EVA1A: variants seen among roughly 807,000 people sequenced by gnomAD.
EVA1A encodes eva-1 homolog A, regulator of programmed cell death, also known as protein eva-1 homolog A.
EVA1A carries 7 observed loss-of-function variants against 9.8 expected under a neutral mutation model. The ratio of observed to expected loss-of-function variants is 0.71; its 90% CI spans 0.41 to 1.34. The LOEUF (loss-of-function observed/expected upper bound fraction) is 1.34, where lower values mean the gene tolerates loss of function less well. Among genes scored for constraint, EVA1A ranks in the 40% most tolerant of loss-of-function variants. The pLI is 0.01. For synonymous variants in EVA1A, 90 were observed against 85.6 expected (o/e 1.05, Z -0.28); for missense variants, 206 against 205.9 (o/e 1.00, Z 0.00).
chr2:75,540,518 AG>A (rs2103934586), intron 1 of EVA1A, among the ~76,000 whole-genome samples: 2 of 152,348 alleles, frequency 1.3e-5, no homozygotes, highest in East Asian at 3.9e-4. Context: ...CCAGAGGAAT[AG>A]TTTTCCTGAA....
chr2:75,520,187 C>T (rs757815030), intron 2 of EVA1A, among the ~76,000 whole-genome samples: 2 of 152,112 alleles, frequency 1.3e-5, no homozygotes, highest in Non-Finnish European at 2.9e-5. Context: ...AGAGCAAGCT[C>T]TTTCACCTCT....
At chr2:75,520,780 G>T (rs1191153664) in intron 2 of EVA1A, among the ~76,000 whole-genome samples, 1 of 151,150 alleles carries the variant, frequency 6.6e-6, no homozygotes, top group Non-Finnish European at 1.5e-5. Flanking sequence ...CATGACATTG[G>T]ATTTGACAAT....
At chr2:75,497,492 C>T (rs1425733459) in intron 3 of EVA1A, among the ~76,000 whole-genome samples, 3 of 151,968 alleles carry the variant, frequency 2.0e-5, no homozygotes, top group Non-Finnish European at 4.4e-5. Flanking sequence ...GATACCATCT[C>T]GCGCCAGTCA....
intron 1 of EVA1A, among the ~76,000 whole-genome samples, chr2:75,532,326 T>C (rs114383532): frequency 6.6e-6 from 1 of 152,118 alleles, no homozygotes; most frequent in African/African-American, 2.4e-5. Flanking sequence ...GAAATACTTG[T>C]AACACAGCCA....
chr2:75,561,038 A>C (rs1280086799), upstream of EVA1A: 2 of 137,794 alleles, frequency 1.5e-5, no homozygotes, highest in African/African-American at 5.4e-5. Flanking sequence ...TCTGCAAGCC[A>C]GCGGCCCATG....
chr2:75,532,816 T>G (rs7565861), intron 1 of EVA1A, among the ~76,000 whole-genome samples: 8 of 152,024 alleles, frequency 5.3e-5, no homozygotes, highest in African/African-American at 1.9e-4. Flanking sequence ...GAAATCCATG[T>G]GAAGACACAC....
At chr2:75,513,293 G>A (rs1674882013) in intron 3 of EVA1A, among the ~76,000 whole-genome samples, 1 of 152,086 alleles carries the variant, frequency 6.6e-6, no homozygotes. Context: ...AAAATCTACT[G>A]TCTTAGCAAA....
At chr2:75,548,306 T>C (rs1676399898) in intron 1 of EVA1A, among the ~76,000 whole-genome samples, 1 of 152,168 alleles carries the variant, frequency 6.6e-6, no homozygotes, top group Admixed American at 6.5e-5. Flanking sequence ...CTAATATTTT[T>C]GTATTTTTGG....
chr2:75,560,119 A>T (rs1294743908), intron 1 of EVA1A, among the ~76,000 whole-genome samples: 1 of 151,998 alleles, frequency 6.6e-6, no homozygotes, highest in Non-Finnish European at 1.5e-5. Flanking sequence ...CCTCTCCAAA[A>T]GCAAAGCGTC....
chr2:75,496,922 T>C (rs1283140014), intron 3 of EVA1A, among the ~76,000 whole-genome samples: 2 of 152,110 alleles, frequency 1.3e-5, no homozygotes, highest in African/African-American at 4.8e-5. Context: ...AAGTCAACAA[T>C]AACAGCAAAG....
At chr2:75,560,131 C>T (rs887166857) in intron 1 of EVA1A, among the ~76,000 whole-genome samples, 5 of 152,148 alleles carry the variant, frequency 3.3e-5, no homozygotes, top group Admixed American at 3.3e-4. Context: ...CAAAGCGTCC[C>T]ACTGGGACTT....
chr2:75,565,625 A>G (rs780409301), upstream of EVA1A, among the ~76,000 whole-genome samples: 1 of 152,212 alleles, frequency 6.6e-6, no homozygotes, highest in Non-Finnish European at 1.5e-5. Flanking sequence ...TTCTTCCACT[A>G]TGGCACTGCT....
chr2:75,541,737 G>A (rs1676130658), intron 1 of EVA1A: 1 of 152,606 alleles, frequency 6.6e-6, no homozygotes, highest in Non-Finnish European at 1.5e-5. Flanking sequence ...TTTCTCTACA[G>A]TGTTCATAGT....
intron 1 of EVA1A, among the ~76,000 whole-genome samples, chr2:75,541,249 G>T (rs897224330): frequency 8.5e-5 from 13 of 152,206 alleles, no homozygotes; most frequent in African/African-American, 2.7e-4. Flanking sequence ...AGAAAACTCA[G>T]AAGTTATCTT....
At chr2:75,519,037 T>G (rs1422455845) in intron 2 of EVA1A, among the ~76,000 whole-genome samples, 1 of 152,120 alleles carries the variant, frequency 6.6e-6, no homozygotes, top group Non-Finnish European at 1.5e-5. Context: ...CCACCAGGGA[T>G]CAGAACAGGG....
At chr2:75,535,899 C>G (rs1046938714) in intron 1 of EVA1A, among the ~76,000 whole-genome samples, 2 of 151,952 alleles carry the variant, frequency 1.3e-5, no homozygotes, top group Middle Eastern at 3.2e-3. Context: ...TCCATGTAAC[C>G]AAAAAATACT....
chr2:75,558,211 C>T (rs1676791222), intron 1 of EVA1A, among the ~76,000 whole-genome samples: 1 of 152,164 alleles, frequency 6.6e-6, no homozygotes, highest in South Asian at 2.1e-4. Context: ...TAGGTAGGCA[C>T]TCAGTATTAA....
intron 1 of EVA1A, among the ~76,000 whole-genome samples, chr2:75,537,780 T>C (rs1675968127): frequency 6.6e-6 from 1 of 152,186 alleles, no homozygotes; most frequent in African/African-American, 2.4e-5. Context: ...TAAAAGAGCC[T>C]AGCATCTCTC....
intron 3 of EVA1A, among the ~76,000 whole-genome samples, chr2:75,505,241 G>A (rs962804171): frequency 2.6e-5 from 4 of 152,208 alleles, no homozygotes; most frequent in Non-Finnish European, 4.4e-5. Context: ...TTTGGAAGAA[G>A]GGTGTGATTA....
Sources: allele counts gnomAD v4.1 joint callset (sites outside exome capture counted in the v4.1 genomes callset), GRCh38; gene constraint gnomAD v4.1.1; transcripts MANE v1.5; gene names NCBI Gene and HGNC (gene_info 2026-07-23, HGNC 2026-07-21).